The following EVA1A variants were observed in gnomAD, a reference collection of about 807,000 sequenced individuals.
EVA1A encodes eva-1 homolog A, regulator of programmed cell death, also known as protein eva-1 homolog A.
A neutral mutation model predicts 9.8 loss-of-function variants in EVA1A; 7 were observed. The observed-to-expected ratio is 0.71, with a 90% CI of 0.41 to 1.34. The LOEUF (loss-of-function observed/expected upper bound fraction) is 1.34. EVA1A is among the 40% of genes most tolerant of loss of function. EVA1A has a pLI of 0.01. For synonymous variants in EVA1A, 90 were observed against 85.6 expected, an observed-to-expected ratio of 1.05 and a Z score of -0.28; for missense variants, 206 against 205.9, an observed-to-expected ratio of 1.00 and a Z score of 0.00.
At chr2:75,548,762 G>C (rs931099662) in intron 1 of EVA1A, among the ~76,000 whole-genome samples, 4 of 151,610 alleles carry the variant, frequency 2.6e-5, no homozygotes, top group African/African-American at 7.3e-5. Flanking sequence ...TTCCCTCCTA[G>C]AGCACCCTGT....
In EVA1A at chr2:75,496,729, C is replaced by A. The variant is rs529548046; in HGVS notation, c.86-3120G>T. 3.6e-3 allele frequency among the ~76,000 whole-genome samples: 545 copies of A among 152,222 alleles called. 3 individuals carry two copies. The highest frequency in any genetic ancestry group is 0.013 in the African/African-American group (520 of 41,546). On this transcript the variant is annotated intron_variant, in intron 3 of 3. Coordinates refer to ENST00000393913, the MANE Select transcript of EVA1A (RefSeq NM_001135032.2). ...CAAAAGAGCGTTCAAATAGCCAAAG[C>A]AATCCTAAGGTGGGAAGAAAAGAAA...
At chr2:75,540,412 A>C (rs960424913) in intron 1 of EVA1A, among the ~76,000 whole-genome samples, 3 of 152,202 alleles carry the variant, frequency 2.0e-5, no homozygotes, top group African/African-American at 7.2e-5. Flanking sequence ...TTTCCAAATG[A>C]GAAGCACATC....
At chr2:75,533,370 A>C (rs1401564910) in intron 1 of EVA1A, among the ~76,000 whole-genome samples, 4 of 152,152 alleles carry the variant, frequency 2.6e-5, no homozygotes, top group African/African-American at 9.7e-5. Flanking sequence ...TCCAGAATCC[A>C]TACCCAGCAA....
At chr2:75,565,522 TGTGG>T (rs1202403174), upstream of EVA1A, among the ~76,000 whole-genome samples, 1 of 152,186 alleles carries the variant, frequency 6.6e-6, no homozygotes, top group East Asian at 1.9e-4. Flanking sequence ...ATCATCCTCA[TGTGG>T]TAGGATGTGG....
chr2:75,562,294 A>G (rs1676942262), upstream of EVA1A, among the ~76,000 whole-genome samples: 1 of 152,050 alleles, frequency 6.6e-6, no homozygotes, highest in South Asian at 2.1e-4. Context: ...CACCCTCACA[A>G]ATATTTCTGT....
At chr2:75,535,777 G>T (rs1172002001) in intron 1 of EVA1A, among the ~76,000 whole-genome samples, 3 of 152,110 alleles carry the variant, frequency 2.0e-5, no homozygotes, top group African/African-American at 4.8e-5. Context: ...TGGAGACTCA[G>T]AATGGGGAAG....
chr2:75,550,937 C>A (rs1363086707), intron 1 of EVA1A, among the ~76,000 whole-genome samples: 1 of 152,162 alleles, frequency 6.6e-6, no homozygotes, highest in Non-Finnish European at 1.5e-5. Flanking sequence ...GCCTGGCCAG[C>A]ATGGTGAAAT....
At chr2:75,542,393 G>A (rs533572817) in intron 1 of EVA1A, 1 of 152,320 alleles carries the variant, frequency 6.6e-6, no homozygotes, top group South Asian at 2.1e-4. Flanking sequence ...ATTCAAATGT[G>A]AGCCTGTAAA....
chr2:75,543,313 G>A (rs1019579686), intron 1 of EVA1A, among the ~76,000 whole-genome samples: 13 of 152,070 alleles, frequency 8.5e-5, no homozygotes, highest in African/African-American at 3.1e-4. Flanking sequence ...CCAGTACACC[G>A]GAGACATCTA....
Position 75,493,507 on chromosome 2 carries a change from C to T in EVA1A, c.188G>A (p.Cys63Tyr). ...GAACTTCTTCCCGGGACGCCGCCTG[C>T]AGTCTGTGTGGCAAGAGATCCTTAT... ...LVIRISCHTD[C>Y]RRRPGKKFLQ... Residue 63 changes from cysteine to tyrosine, a missense_variant, in exon 4 of 4, where the codon TGC becomes TAC. Coordinates refer to ENST00000393913, the MANE Select transcript of EVA1A (RefSeq NM_001135032.2). 1.2e-6 allele frequency: 2 copies of T among 1,614,230 alleles called. No individual in the cohort carries two copies. The highest frequency in any genetic ancestry group is 2.2e-5 in the East Asian group (1 of 44,882).
At chr2:75,547,618 C>T in intron 1 of EVA1A, among the ~76,000 whole-genome samples, 1 of 152,210 alleles carries the variant, frequency 6.6e-6, no homozygotes, top group Admixed American at 6.5e-5. Context: ...AAAGAAACAA[C>T]TAGACATGTT....
At chr2:75,504,443 T>C (rs959845887) in intron 3 of EVA1A, among the ~76,000 whole-genome samples, 1 of 152,050 alleles carries the variant, frequency 6.6e-6, no homozygotes, top group East Asian at 1.9e-4. Context: ...ACAAAATATC[T>C]TTATGGCATT....
chr2:75,545,464 G>A (rs183183807), intron 1 of EVA1A, among the ~76,000 whole-genome samples: 90 of 152,318 alleles, frequency 5.9e-4, no homozygotes, highest in African/African-American at 2.2e-3. Context: ...AGGCTTCTCT[G>A]TGGGAAGCAG....
At chr2:75,538,966 A>C (rs1676015751) in intron 1 of EVA1A, among the ~76,000 whole-genome samples, 1 of 152,348 alleles carries the variant, frequency 6.6e-6, no homozygotes, top group Non-Finnish European at 1.5e-5. Context: ...ATTGTAGCAC[A>C]GTTTTGCACG....
At chr2:75,507,922 C>T (rs753878144) in intron 3 of EVA1A, among the ~76,000 whole-genome samples, 6 of 152,206 alleles carry the variant, frequency 3.9e-5, no homozygotes, top group African/African-American at 1.2e-4. Context: ...GGCAGAAGAA[C>T]ATGAATTGTG....
intron 1 of EVA1A, among the ~76,000 whole-genome samples, chr2:75,527,372 G>A (rs1418231434): frequency 1.3e-5 from 2 of 152,118 alleles, no homozygotes; most frequent in Non-Finnish European, 2.9e-5. Context: ...AGGACTACAT[G>A]GGAAGCCTGG....
At chr2:75,497,688 A>G (rs1674260168) in intron 3 of EVA1A, among the ~76,000 whole-genome samples, 1 of 151,584 alleles carries the variant, frequency 6.6e-6, no homozygotes, top group Non-Finnish European at 1.5e-5. Flanking sequence ...CCCATCATTA[A>G]AAAAACACAA....
chr2:75,505,352 A>G (rs1398262590), intron 3 of EVA1A, among the ~76,000 whole-genome samples: 1 of 152,202 alleles, frequency 6.6e-6, no homozygotes, highest in Admixed American at 6.5e-5. Context: ...TGAAGGCAGA[A>G]TCCATATGAT....
intron 1 of EVA1A, among the ~76,000 whole-genome samples, chr2:75,523,596 C>T (rs1377720784): frequency 6.6e-6 from 1 of 152,206 alleles, no homozygotes. Flanking sequence ...AGCCACTTGG[C>T]TTCCACTGCC....
Sources: allele counts gnomAD v4.1 joint callset (sites outside exome capture counted in the v4.1 genomes callset), GRCh38; gene constraint gnomAD v4.1.1; transcripts MANE v1.5; gene names NCBI Gene and HGNC (gene_info 2026-07-23, HGNC 2026-07-21).